The following TMEM38B variants were observed in gnomAD, a reference collection of about 807,000 sequenced individuals.
The protein encoded by TMEM38B is trimeric intracellular cation channel type B.
TMEM38B carries 24 observed loss-of-function variants against 28.7 expected under a neutral mutation model. The ratio of observed to expected loss-of-function variants is 0.84; its 90% CI spans 0.61 to 1.18. TMEM38B has a LOEUF of 1.18. Ranked by LOEUF, TMEM38B falls within the 50% of genes most tolerant of loss-of-function variation. TMEM38B has a pLI of 0.00. For missense variants in TMEM38B, 380 were observed against 350.9 expected (o/e 1.08, Z -0.66); for synonymous variants, 131 against 127.7 (o/e 1.03, Z -0.17).
chr9:105,766,403 A>G (rs765183966), intron 5 of TMEM38B, among the ~76,000 whole-genome samples: 5 of 152,164 alleles, frequency 3.3e-5, no homozygotes, highest in Admixed American at 2.0e-4. Context: ...GGCCACTCAC[A>G]TGTGATCTTT....
intron 2 of TMEM38B, among the ~76,000 whole-genome samples, chr9:105,709,419 G>T (rs1295671460): frequency 6.6e-6 from 1 of 152,094 alleles, no homozygotes; most frequent in African/African-American, 2.4e-5. Flanking sequence ...AGTATATTGG[G>T]TTCTATAATT....
chr9:105,758,320 G>A, intron 5 of TMEM38B: 1 of 781,632 alleles, frequency 1.3e-6, no homozygotes, highest in Non-Finnish European at 2.3e-6. Context: ...AAGTGGCAGA[G>A]CTAGAATTCA....
chr9:105,767,296 TTGATTTATA>T (rs1439457917), intron 5 of TMEM38B, among the ~76,000 whole-genome samples: 1 of 152,186 alleles, frequency 6.6e-6, no homozygotes, highest in African/African-American at 2.4e-5. Flanking sequence ...TTCTGTTCTA[TTGATTTATA>T]TGTCTATTTC....
chr9:105,772,585 A>C (rs1465202540), intron 5 of TMEM38B, among the ~76,000 whole-genome samples: 2 of 151,928 alleles, frequency 1.3e-5, no homozygotes, highest in African/African-American at 4.8e-5. Flanking sequence ...TCTTTTGTTG[A>C]TTTTGGTGAG....
intron 5 of TMEM38B, among the ~76,000 whole-genome samples, chr9:105,763,271 CA>C (rs753610233): frequency 2.4e-4 from 37 of 152,190 alleles, no homozygotes; most frequent in South Asian, 2.1e-4. Context: ...AATTAGCTCT[CA>C]TTTGTCAATT....
chr9:105,723,059 A>G (rs1043598466), intron 4 of TMEM38B, among the ~76,000 whole-genome samples: 3 of 152,230 alleles, frequency 2.0e-5, no homozygotes, highest in African/African-American at 7.2e-5. Flanking sequence ...TATGGGATCA[A>G]ATCAATACAT....
intron 2 of TMEM38B, chr9:105,710,524 A>G: frequency 8.6e-7 from 1 of 1,167,412 alleles, no homozygotes; most frequent in South Asian, 1.2e-5. Flanking sequence ...CCCCCTGGGC[A>G]AACTGTATTT....
intron 4 of TMEM38B, among the ~76,000 whole-genome samples, chr9:105,734,435 C>T (rs556716985): frequency 1.8e-4 from 28 of 152,164 alleles, no homozygotes; most frequent in African/African-American, 6.0e-4. Flanking sequence ...ATGGAATATT[C>T]TGTAGATGTT....
intron 4 of TMEM38B, among the ~76,000 whole-genome samples, chr9:105,725,869 T>G (rs1210420928): frequency 6.6e-6 from 1 of 152,144 alleles, no homozygotes. Flanking sequence ...ACTGTAGACT[T>G]TATAAACACT....
intron 5 of TMEM38B, chr9:105,760,553 T>G: frequency 1.3e-6 from 1 of 741,542 alleles, no homozygotes; most frequent in South Asian, 1.5e-5. Flanking sequence ...ACAGAACTTA[T>G]AGAAAATGTT....
intron 5 of TMEM38B, among the ~76,000 whole-genome samples, chr9:105,762,539 A>G (rs1588470930): frequency 6.7e-6 from 1 of 148,436 alleles, no homozygotes; most frequent in Non-Finnish European, 1.5e-5. Flanking sequence ...TAGTTTACTG[A>G]GAATGATGAT....
At chr9:105,724,686 T>G (rs888917826) in intron 4 of TMEM38B, among the ~76,000 whole-genome samples, 3 of 151,768 alleles carry the variant, frequency 2.0e-5, no homozygotes, top group Non-Finnish European at 4.4e-5. Flanking sequence ...TTGTGTGAAC[T>G]AACAAATTTC....
chr9:105,750,238 A>G (rs1244867182), intron 5 of TMEM38B, among the ~76,000 whole-genome samples: 1 of 152,004 alleles, frequency 6.6e-6, no homozygotes, highest in African/African-American at 2.4e-5. Context: ...GGATACTAGA[A>G]TCTTACCAGA....
chr9:105,769,487 T>G (rs1457809903), intron 5 of TMEM38B, among the ~76,000 whole-genome samples: 4 of 152,136 alleles, frequency 2.6e-5, no homozygotes, highest in Non-Finnish European at 5.9e-5. Context: ...GGCTAATTTT[T>G]GTATTTTTTG....
intron 4 of TMEM38B, among the ~76,000 whole-genome samples, chr9:105,723,559 T>C (rs1836401966): frequency 6.6e-6 from 1 of 152,074 alleles, no homozygotes; most frequent in Admixed American, 6.6e-5. Context: ...GCCCTGCTAC[T>C]TTTAAAAATT....
At chr9:105,739,360 C>T (rs111905777) in intron 4 of TMEM38B, among the ~76,000 whole-genome samples, 200 of 149,608 alleles carry the variant, frequency 1.3e-3, no homozygotes, top group African/African-American at 4.7e-3. Flanking sequence ...AGTAATTTCA[C>T]GTGAATTTGA....
At chr9:105,709,637 G>T (rs1835822869) in intron 2 of TMEM38B, among the ~76,000 whole-genome samples, 2 of 152,214 alleles carry the variant, frequency 1.3e-5, no homozygotes, top group African/African-American at 4.8e-5. Context: ...TACTGACTAG[G>T]ATAGAGGTGA....
intron 1 of TMEM38B, among the ~76,000 whole-genome samples, chr9:105,699,088 A>G (rs1302381325): frequency 6.6e-6 from 1 of 151,986 alleles, no homozygotes; most frequent in Non-Finnish European, 1.5e-5. Context: ...ATTTTTTTAC[A>G]CTCCATATAT....
At chr9:105,760,052 C>A (rs10114109) in intron 5 of TMEM38B, 153,150 of 1,212,348 alleles carry the variant, frequency 0.13, 15,926 homozygotes, top group East Asian at 0.43. Context: ...TTACTTCCAG[C>A]TTCTTCTGTG....
Sources: gnomAD v4.1 joint callset for allele counts (sites outside exome capture counted in the v4.1 genomes callset) on GRCh38, gnomAD v4.1.1 for gene constraint, MANE v1.5 for transcripts, NCBI Gene and HGNC (gene_info 2026-07-23, HGNC 2026-07-21) for gene names.